The following YJU2B variants were observed in gnomAD, a reference collection of about 807,000 sequenced individuals.
YJU2B encodes the protein probable splicing factor YJU2B.
In YJU2B, 18 loss-of-function variants were observed where a neutral mutation model predicts 38.0. The observed-to-expected ratio is 0.47, with a 90% confidence interval of 0.33 to 0.70. YJU2B has a LOEUF of 0.70. Among genes scored for constraint, YJU2B ranks in the 30% least tolerant of loss-of-function variants. YJU2B has a pLI of 0.02. For synonymous variants in YJU2B, 246 were observed against 225.4 expected, an observed-to-expected ratio of 1.09 and a Z score of -0.82; for missense variants, 538 against 556.3, an observed-to-expected ratio of 0.97 and a Z score of 0.33.
chr19:13,758,591 C>T (rs1026214510), intron 6 of YJU2B, among the ~76,000 whole-genome samples: 2 of 152,160 alleles, frequency 1.3e-5, no homozygotes, highest in Non-Finnish European at 2.9e-5. Context: ...AATGAATTAA[C>T]GAATAAATGA....
In YJU2B at chr19:13,759,221, C is replaced by T. The variant is rs139803469; in HGVS notation, c.522C>T (p.Ser174=). 32 of 1,613,380 alleles carry T rather than the reference C, an allele frequency of 2.0e-5. No homozygotes were observed. The African/African-American group carries it at 2.9e-4, about 15-fold the overall frequency. Reference sequence around the variant, plus strand: ...TGAGCCACATCCAGGAGGCCCAGAGCGCCTGGAAGGACGACTTCGCCCTCA... The same window carrying T: ...TGAGCCACATCCAGGAGGCCCAGAGTGCCTGGAAGGACGACTTCGCCCTCA... ...PTLSHIQEAQ[S]AWKDDFALNS... Residue 174 remains serine, a synonymous_variant, in exon 8 of 10, where the codon AGC becomes AGT. Coordinates refer to ENST00000221554, the MANE Select transcript of YJU2B (RefSeq NM_030818.4).
Position 13,760,624 on chromosome 19 carries a change from C to T in YJU2B, c.573+1352C>T, listed in dbSNP as rs138339578. Among the ~76,000 whole-genome samples, 25 of 151,812 alleles carry T rather than the reference C, an allele frequency of 1.6e-4. No homozygotes were observed. The East Asian group carries it at 4.8e-3, about 29-fold the overall frequency. On this transcript the variant is annotated intron_variant, in intron 8 of 9. Transcript: ENST00000221554. ...TTTTTTTCTTTTTGTGACTGGGTCT[C>T]ACTCTGTTGCCCAGGCTGGAGTACA...
chr19:13,734,537 G>A (rs530595765), intron 2 of YJU2B, among the ~76,000 whole-genome samples: 35 of 151,714 alleles, frequency 2.3e-4, no homozygotes, highest in African/African-American at 7.5e-4. Context: ...TGATCCGCCC[G>A]CCTCGGCCTC....
In YJU2B at chr19:13,762,969, A is replaced by G. The variant is rs1166910158; in HGVS notation, c.1092A>G (p.Ala364=). The part of the protein sequence containing the change: ...GSRQDKPLSP[A]GSSQEAADTP... ...GTCAGGACAAGCCCCTGTCGCCAGC[A>G]GGCTCCTCCCAGGAGGCAGCTGACA... Residue 364 remains alanine (A), a synonymous_variant, in exon 10 of 10, where the codon GCA becomes GCG. Transcript: ENST00000221554. The G allele has an allele frequency of 6.2e-7, 1 of 1,611,684 alleles. No homozygotes were observed. The highest frequency in any genetic ancestry group is 1.1e-5 in the South Asian group (1 of 90,950).
rs1444053108 is a variant in YJU2B at position 13,759,123 on chromosome 19, G to A, written c.424G>A (p.Glu142Lys). Residue 142 changes from glutamate (E) to lysine (K), a missense_variant, in exon 8 of 10, where the codon GAG becomes AAG. Coordinates refer to ENST00000221554, the MANE Select transcript of YJU2B (RefSeq NM_030818.4). The part of the protein sequence containing the change: ...TTEHEKKQKL[E>K]TDAMFRLEHG... The stretch of plus-strand genomic sequence containing the variant: ...AGAGCATGAGAAGAAGCAGAAGCTG[G>A]AGACGGACGCCATGTTCCGGCTGGA... The A allele has an allele frequency of 6.2e-7, 1 of 1,613,814 alleles. No homozygotes were observed. Among genetic ancestry groups the A allele is most frequent in the Non-Finnish European group, 8.5e-7 (1 of 1,179,932 alleles).
chr19:13,743,605 TAGAA>T (rs1254510699), upstream of YJU2B, among the ~76,000 whole-genome samples: 16 of 107,980 alleles, frequency 1.5e-4, no homozygotes, highest in East Asian at 1.1e-3. Flanking sequence ...AAGAAAAAAA[TAGAA>T]AGCCTGGGCG....
At position 13,751,793 on chromosome 19, in the gene YJU2B, G is replaced by C. The variant is rs777328411; in HGVS notation, c.-16G>C. On this transcript the variant is annotated 5_prime_UTR_variant, in exon 2 of 10. Coordinates refer to ENST00000221554, the MANE Select transcript of YJU2B (RefSeq NM_030818.4). ...TCGTCCGCCCCGAGGCTGAGGACCA[G>C]TAGGCAGCTCCCAAGATGGTGAGTA... The C allele has an allele frequency of 4.3e-6, 7 of 1,614,120 alleles. No homozygotes were observed. In the Admixed American group the frequency reaches 6.7e-5, roughly 15 times the overall value.
chr19:13,745,688 T>TAG, upstream of YJU2B, among the ~76,000 whole-genome samples: 1 of 95,272 alleles, frequency 1.0e-5, no homozygotes. Flanking sequence ...GATAGATAGA[T>TAG]AGATATAGAT....
chr19:13,747,116 A>G (rs926706136), upstream of YJU2B, among the ~76,000 whole-genome samples: 1 of 152,180 alleles, frequency 6.6e-6, no homozygotes, highest in African/African-American at 2.4e-5. Flanking sequence ...ACTCTTCCCT[A>G]GTTAATAAGA....
intron 8 of YJU2B, among the ~76,000 whole-genome samples, chr19:13,760,219 C>T (rs1275848893): frequency 1.3e-5 from 2 of 152,066 alleles, no homozygotes; most frequent in Non-Finnish European, 2.9e-5. Context: ...CCACCGAGAC[C>T]AGCCAAAATA....
chr19:13,733,476 C>T (rs941532787), intron 2 of YJU2B, among the ~76,000 whole-genome samples: 1 of 151,724 alleles, frequency 6.6e-6, no homozygotes, highest in Non-Finnish European at 1.5e-5. Flanking sequence ...AATCCCAGCA[C>T]TTTGGGAGGC....
In YJU2B at chr19:13,756,665, T is replaced by C. The variant is rs189207016; in HGVS notation, c.140+386T>C. Among the ~76,000 whole-genome samples the C allele has an allele frequency of 1.8e-3, 267 of 152,116 alleles. 1 individual carries two copies. The highest frequency in any genetic ancestry group is 4.1e-4 in the Non-Finnish European group (28 of 67,996). On this transcript the variant is annotated intron_variant, in intron 4 of 9. Transcript: ENST00000221554. ...GCAGGCCAGCCTGGACTTGATCACATAGGACTCTCAAAAAAGACAGTGATC... is the reference window on the plus strand; with the variant it reads ...GCAGGCCAGCCTGGACTTGATCACACAGGACTCTCAAAAAAGACAGTGATC...
At chr19:13,732,902 C>T (rs947578823) in intron 2 of YJU2B, among the ~76,000 whole-genome samples, 2 of 151,070 alleles carry the variant, frequency 1.3e-5, no homozygotes, top group African/African-American at 4.9e-5. Flanking sequence ...AGCAACTGCA[C>T]CCGGCATAAA....
Position 13,763,178 on chromosome 19 carries a change from A to G in YJU2B, c.*110A>G, listed in dbSNP as rs2145179758. The G allele has an allele frequency of 1.2e-6, 1 of 860,398 alleles. No individual in the cohort carries two copies. The highest frequency in any genetic ancestry group is 1.7e-5 in the African/African-American group (1 of 59,370). The allele number at this position is 860,398 out of a possible 1,614,324, so 53.3% of individuals were successfully genotyped here. On this transcript the variant is annotated 3_prime_UTR_variant, in exon 10 of 10. Coordinates refer to ENST00000221554, the MANE Select transcript of YJU2B (RefSeq NM_030818.4). ...GCCCACCAGCCCTGGGAGAGCTCAG[A>G]TGCCGCATCCTCCCCAGACCGCGCC...
In YJU2B at chr19:13,757,479, C is replaced by T. The variant is rs749013073; in HGVS notation, c.196+6C>T. On this transcript the variant is annotated splice_donor_region_variant and intron_variant, in intron 5 of 9. Transcript: ENST00000221554. The stretch of plus-strand genomic sequence containing the variant: ...CAAGAACCACATCGGCATGGGTGAG[C>T]CTCTGCCCACCCTCCATTCAGTCCT... 6.2e-7 allele frequency: 1 copy of T among 1,612,778 alleles called. No homozygotes were observed. Among genetic ancestry groups the T allele is most frequent in the Non-Finnish European group, 8.5e-7 (1 of 1,179,120 alleles).
At chr19:13,758,105 G>A (rs1259016668) in intron 6 of YJU2B, among the ~76,000 whole-genome samples, 1 of 152,004 alleles carries the variant, frequency 6.6e-6, no homozygotes, top group East Asian at 1.9e-4. Context: ...TCCTCCTGCT[G>A]TCCCCCTCCC....
intron 8 of YJU2B, among the ~76,000 whole-genome samples, chr19:13,760,044 G>A (rs1164591368): frequency 4.0e-5 from 6 of 151,732 alleles, no homozygotes; most frequent in South Asian, 4.2e-4. Flanking sequence ...TGCCTGCCTC[G>A]GCCTCCTAAA....
chr19:13,741,253 C>T (rs1261826693), intron 2 of YJU2B, among the ~76,000 whole-genome samples: 1 of 148,648 alleles, frequency 6.7e-6, no homozygotes, highest in Non-Finnish European at 1.5e-5. Flanking sequence ...CTCCTGGGTT[C>T]AAGTGATTCT....
intron 3 of YJU2B, 119 bp from the exon 4 acceptor site, chr19:13,756,065 CGTCCTGCAGGACA>C: frequency 1.4e-6 from 1 of 708,754 alleles, no homozygotes. Flanking sequence ...TATGAACACC[CGTCCTGCAGGACA>C]TAAGAATCAA....
Sources: gnomAD v4.1 joint callset for allele counts (sites outside exome capture counted in the v4.1 genomes callset) on GRCh38, gnomAD v4.1.1 for gene constraint, MANE v1.5 for transcripts, NCBI Gene and HGNC (gene_info 2026-07-23, HGNC 2026-07-21) for gene names.